Variants in ZNF565 observed in about 807,000 individuals in gnomAD.
ZNF565 encodes zinc finger protein 565.
Under a neutral mutation model 39.4 loss-of-function variants are expected in ZNF565, and 27 were observed. That is an observed-to-expected ratio of 0.69 (90% CI 0.51 to 0.95). The LOEUF is 0.95. Ranked by LOEUF, ZNF565 falls within the 40% of genes least tolerant of loss-of-function variation. The pLI is 0.00. For synonymous variants in ZNF565, 185 were observed against 216.6 expected, an observed-to-expected ratio of 0.85 and a Z score of 1.28; for missense variants, 524 against 621.1, an observed-to-expected ratio of 0.84 and a Z score of 1.66.
At chr19:36,202,156 G>T (rs1599933863) in intron 1 of ZNF565, 106 bp from the exon 2 acceptor site, 2 of 675,570 alleles carry the variant, frequency 3.0e-6, no homozygotes, top group East Asian at 5.4e-5. Flanking sequence ...CAATGTCTCG[G>T]ATCTGCTTCT....
intron 1 of ZNF565, among the ~76,000 whole-genome samples, chr19:36,203,768 G>A (rs868471754): frequency 1.3e-5 from 2 of 151,788 alleles, no homozygotes; most frequent in Admixed American, 6.6e-5. Context: ...GTAGAGACGC[G>A]GTTTCACCAT....
In ZNF565 at chr19:36,238,801, TAC is replaced by T. The variant is rs1365809131; in HGVS notation, c.55+6673_55+6674del. 3 of 166,646 alleles carry T rather than the reference TAC, an allele frequency of 1.8e-5. No homozygotes were observed. The East Asian group carries it at 5.8e-4, about 32-fold the overall frequency. The allele number at this position is 166,646 out of a possible 1,614,324, so 10.3% of individuals were successfully genotyped here. On this transcript the variant is annotated intron_variant, in intron 1 of 4. Transcript: ENST00000355114. ...CTGTTTTAATTATTTTAACATGGCA[TAC>T]ACACTATATCGGGGTCCCCAGCTCC...
At chr19:36,207,417 G>A (rs1293111070) in intron 1 of ZNF565, among the ~76,000 whole-genome samples, 1 of 152,064 alleles carries the variant, frequency 6.6e-6, no homozygotes, top group East Asian at 1.9e-4. Context: ...GTGAGCACCT[G>A]TAATCCTATT....
At chr19:36,229,985 G>C (rs763965533) in intron 1 of ZNF565, among the ~76,000 whole-genome samples, 9 of 152,204 alleles carry the variant, frequency 5.9e-5, no homozygotes, top group Non-Finnish European at 1.2e-4. Context: ...CTCTCAAAGT[G>C]CTGGGATTAC....
intron 1 of ZNF565, among the ~76,000 whole-genome samples, chr19:36,244,927 T>A (rs143771553): frequency 6.6e-6 from 1 of 152,020 alleles, no homozygotes; most frequent in Non-Finnish European, 1.5e-5. Flanking sequence ...CTGTGGTTGG[T>A]ACTCGATAGG....
intron 1 of ZNF565, among the ~76,000 whole-genome samples, chr19:36,230,789 A>G (rs1977314029): frequency 2.0e-5 from 3 of 152,094 alleles, no homozygotes; most frequent in Admixed American, 2.0e-4. Context: ...ACAGAGGGCC[A>G]GCCTTCCTTC....
chr19:36,227,175 G>A (rs1254768058), intron 1 of ZNF565, among the ~76,000 whole-genome samples: 3 of 151,850 alleles, frequency 2.0e-5, no homozygotes, highest in Non-Finnish European at 4.4e-5. Context: ...GATCACCTGA[G>A]GTCAGGGGTT....
At chr19:36,216,475 T>C, upstream of ZNF565, among the ~76,000 whole-genome samples, 1 of 151,838 alleles carries the variant, frequency 6.6e-6, no homozygotes, top group East Asian at 1.9e-4. Context: ...ACCCTGTCTC[T>C]ACTAAAAAAA....
At chr19:36,225,702 T>C (rs1049417623) in intron 1 of ZNF565, among the ~76,000 whole-genome samples, 3 of 150,960 alleles carry the variant, frequency 2.0e-5, no homozygotes, top group African/African-American at 7.3e-5. Context: ...TGTCTCAAAG[T>C]GCTGGGATTA....
upstream of ZNF565, chr19:36,214,716 G>C (rs1288404704): frequency 1.3e-5 from 2 of 152,696 alleles, no homozygotes; most frequent in Non-Finnish European, 2.9e-5. Context: ...TGTGGGCTCT[G>C]GGAATTGTAG....
At chr19:36,227,349 A>G (rs1027004032) in intron 1 of ZNF565, among the ~76,000 whole-genome samples, 2 of 150,280 alleles carry the variant, frequency 1.3e-5, no homozygotes, top group Non-Finnish European at 3.0e-5. Context: ...AGATCACGTC[A>G]CTGCACTCCC....
At chr19:36,219,578 T>C (rs1976751472), upstream of ZNF565, among the ~76,000 whole-genome samples, 2 of 152,198 alleles carry the variant, frequency 1.3e-5, no homozygotes, top group Non-Finnish European at 2.9e-5. Flanking sequence ...ATACTTCAAA[T>C]TGCATACCAT....
rs148424985 is a variant in ZNF565 at position 36,196,744 on chromosome 19, C to T, written c.10-1588G>A. ...ATCCCAGCACTTTGGGAGGCTGAGA[C>T]GGGTTGATCACTTGAGGCCAGGAGT... On this transcript the variant is annotated intron_variant, in intron 2 of 4. Coordinates refer to ENST00000304116, the MANE Select transcript of ZNF565 (RefSeq NM_152477.5). 4.9e-3 allele frequency among the ~76,000 whole-genome samples: 748 copies of T among 151,872 alleles called. 7 individuals are homozygous for T. Among genetic ancestry groups the T allele is most frequent in the African/African-American group, 0.017 (716 of 41,424 alleles).
intron 1 of ZNF565, among the ~76,000 whole-genome samples, chr19:36,210,628 T>C (rs1414970035): frequency 7.1e-6 from 1 of 140,656 alleles, no homozygotes; most frequent in Non-Finnish European, 1.5e-5. Context: ...AAAAAATCAT[T>C]TTTTTTTTTT....
At chr19:36,222,599 G>T (rs1976894431) in intron 1 of ZNF565, among the ~76,000 whole-genome samples, 1 of 151,920 alleles carries the variant, frequency 6.6e-6, no homozygotes, top group Non-Finnish European at 1.5e-5. Context: ...TTCAGTGTAG[G>T]TTTCATTTAC....
intron 1 of ZNF565, among the ~76,000 whole-genome samples, chr19:36,203,087 C>A (rs1976022580): frequency 6.6e-6 from 1 of 152,070 alleles, no homozygotes; most frequent in Admixed American, 6.6e-5. Flanking sequence ...GTAATCCCAG[C>A]ACTTTGGGAG....
chr19:36,183,808 C>T (rs1243682798), intron 4 of ZNF565, 75 bp from the exon 5 acceptor site: 1 of 1,348,236 alleles, frequency 7.4e-7, no homozygotes, highest in Non-Finnish European at 1.0e-6. Context: ...TAGTAGAGGC[C>T]AGGCACGGTG....
intron 1 of ZNF565, among the ~76,000 whole-genome samples, chr19:36,226,598 A>G (rs1300233267): frequency 1.3e-5 from 2 of 152,190 alleles, no homozygotes; most frequent in African/African-American, 2.4e-5. Flanking sequence ...ACGATTTGAA[A>G]CCAGTTGTGG....
intron 1 of ZNF565, among the ~76,000 whole-genome samples, chr19:36,206,652 G>C (rs143598994): frequency 2.0e-5 from 3 of 152,138 alleles, no homozygotes; most frequent in African/African-American, 7.2e-5. Flanking sequence ...CCAACATGGT[G>C]AAATGCCGTC....
Sources: gnomAD v4.1 joint callset for allele counts (sites outside exome capture counted in the v4.1 genomes callset) on GRCh38, gnomAD v4.1.1 for gene constraint, MANE v1.5 for transcripts, NCBI Gene and HGNC (gene_info 2026-07-23, HGNC 2026-07-21) for gene names.